The following PLAGL1 variants were observed in gnomAD, a reference collection of about 807,000 sequenced individuals.
PLAGL1 encodes the protein zinc finger protein PLAGL1.
PLAGL1 carries 1 observed loss-of-function variant against 4.6 expected under a neutral mutation model. The observed-to-expected ratio is 0.22, with a 90% CI of 0.08 to 1.03. The LOEUF (loss-of-function observed/expected upper bound fraction) is 1.03, where lower values mean the gene tolerates loss of function less well. Ranked by LOEUF, PLAGL1 falls within the 50% of genes least tolerant of loss-of-function variation. The pLI is 0.58. For missense variants in PLAGL1, 464 were observed against 570.4 expected, an observed-to-expected ratio of 0.81 and a Z score of 1.90; for synonymous variants, 240 against 237.8, an observed-to-expected ratio of 1.01 and a Z score of -0.08.
rs1001562529 is a variant in PLAGL1, at chr6:143,973,274, A to G, written c.-543-4296T>C. Among the ~76,000 whole-genome samples, 4 of 152,204 alleles carry G rather than the reference A, an allele frequency of 2.6e-5. No individual in the cohort carries two copies. The East Asian group carries it at 5.8e-4, about 22-fold the overall frequency. ...ACCTCTCTTTCCCTCCATTGCTTTC[A>G]TTAGGCCCAGCCCAGACAAACAGCG... On this transcript the variant is annotated intron_variant, in intron 2 of 7. Coordinates refer to ENST00000674357, the MANE Select transcript of PLAGL1 (RefSeq NM_001317162.2). This position sits in a 1 kb window ranked among gnomAD's most constrained non-coding sequence, Gnocchi z 6.2.
chr6:144,026,370 G>A (rs950384463), intron 1 of PLAGL1, among the ~76,000 whole-genome samples: 1 of 152,048 alleles, frequency 6.6e-6, no homozygotes, highest in Non-Finnish European at 1.5e-5. Context: ...TGTTTTCTAT[G>A]GTTTATACTA....
chr6:144,008,445 C>T (rs1361359574), upstream of PLAGL1: 1 of 152,028 alleles, frequency 6.6e-6, no homozygotes, highest in African/African-American at 2.4e-5. The surrounding 1 kb of genome is among the most constrained non-coding windows in gnomAD (Gnocchi z 6.9). Flanking sequence ...GCGCTGGGGC[C>T]CCTGGCGGGG....
chr6:143,986,240 A>C (rs1427423902), intron 1 of PLAGL1, among the ~76,000 whole-genome samples: 8 of 151,942 alleles, frequency 5.3e-5, no homozygotes, highest in Non-Finnish European at 7.4e-5. Flanking sequence ...TATGACAAAT[A>C]AATCACCTAA....
chr6:143,996,522 GT>G (rs1791643981), intron 1 of PLAGL1, among the ~76,000 whole-genome samples: 1 of 151,978 alleles, frequency 6.6e-6, no homozygotes, highest in Non-Finnish European at 1.5e-5. Flanking sequence ...GAAGATAAAG[GT>G]TGTCACGTTA....
chr6:144,005,352 A>G lies in PLAGL1; in HGVS notation c.-584+2738T>C, dbSNP rs1443056697. The G allele has an allele frequency of 6.6e-6, 1 of 152,206 alleles. No individual in the cohort carries two copies. Among genetic ancestry groups the G allele is most frequent in the Non-Finnish European group, 1.5e-5 (1 of 68,004 alleles). The allele number at this position is 152,206 out of a possible 1,614,324, so 9.4% of individuals were successfully genotyped here. ...GCAGCAGTAAATGAAAATCTGCAGT[A>G]TTTTCAAATGACAAATAAACCAGGA... On this transcript the variant is annotated intron_variant, in intron 1 of 7. Coordinates refer to ENST00000674357, the MANE Select transcript of PLAGL1 (RefSeq NM_001317162.2). The surrounding 1 kb of genome is among the most constrained non-coding windows in gnomAD (Gnocchi z 4.6).
intron 2 of PLAGL1, among the ~76,000 whole-genome samples, chr6:143,977,152 A>G (rs114845409): frequency 6.7e-6 from 1 of 149,214 alleles, no homozygotes; most frequent in Non-Finnish European, 1.5e-5. Context: ...ATTTGTTACA[A>G]CTGATAAACT....
rs1421125380 is a variant in PLAGL1 at position 143,995,822 on chromosome 6, G to T, written c.-583-10648C>A. Among the ~76,000 whole-genome samples the T allele has an allele frequency of 6.6e-6, 1 of 152,032 alleles. No individual in the cohort carries two copies. The highest frequency in any genetic ancestry group is 6.5e-5 in the Admixed American group (1 of 15,270). On this transcript the variant is annotated intron_variant, in intron 1 of 7. Coordinates refer to ENST00000674357, the MANE Select transcript of PLAGL1 (RefSeq NM_001317162.2). The surrounding 1 kb of genome is among the most constrained non-coding windows in gnomAD (Gnocchi z 4.4). The stretch of plus-strand genomic sequence containing the variant: ...GGGCTCAAATCTTAATTATAAAACA[G>T]AGGTTTTTGTTTCAAAGCCCAGTAA...
rs1054659967 is a variant in PLAGL1, at chr6:143,950,460, A to C, written c.-324-2000T>G. ...TCTGCTAGGTATCATGATCTGTTCT[A>C]CTTCTCACCCAGCCTAAGTTTGGCC... On this transcript the variant is annotated intron_variant, in intron 6 of 7. Transcript: ENST00000674357. This position sits in a 1 kb window ranked among gnomAD's most constrained non-coding sequence, Gnocchi z 6.3. 2.0e-5 allele frequency among the ~76,000 whole-genome samples: 3 copies of C among 152,022 alleles called. No individual in the cohort carries two copies. The highest frequency in any genetic ancestry group is 6.6e-5 in the Admixed American group (1 of 15,258).
upstream of PLAGL1, chr6:144,008,610 G>A (rs1038642208): frequency 2.6e-5 from 4 of 152,330 alleles, no homozygotes; most frequent in Non-Finnish European, 2.9e-5. The surrounding 1 kb of genome is among the most constrained non-coding windows in gnomAD (Gnocchi z 6.9). Context: ...GTAGACCCGA[G>A]CCGGCCTGGG....
Position 143,961,985 on chromosome 6 carries a change from TCAA to T in PLAGL1, c.-398-1446_-398-1444del, listed in dbSNP as rs1783477922. 1.3e-5 allele frequency among the ~76,000 whole-genome samples: 2 copies of T among 152,326 alleles called. No individual in the cohort carries two copies. The highest frequency in any genetic ancestry group is 4.8e-5 in the African/African-American group (2 of 41,580). The stretch of plus-strand genomic sequence containing the variant: ...AAAAGAAAGCGATTCCTTTCTGAAT[TCAA>T]CAATACTCCTTGGCCTCCAAGGGCT... On this transcript the variant is annotated intron_variant, in intron 5 of 7. Transcript: ENST00000674357. The surrounding 1 kb of genome is among the most constrained non-coding windows in gnomAD (Gnocchi z 6.5).
chr6:144,049,344 T>C (rs768063437), intron 1 of PLAGL1, among the ~76,000 whole-genome samples: 2 of 152,256 alleles, frequency 1.3e-5, no homozygotes, highest in Non-Finnish European at 2.9e-5. Flanking sequence ...TCCTCATTTT[T>C]AAGTATCTTT....
rs186820936 is a variant in PLAGL1, at chr6:143,973,667, A to G, written c.-543-4689T>C. Among the ~76,000 whole-genome samples, 8 of 152,320 alleles carry G rather than the reference A, an allele frequency of 5.3e-5. No individual in the cohort carries two copies. The East Asian group carries it at 1.4e-3, about 26-fold the overall frequency. Reference sequence around the variant, plus strand: ...AAACTATATGGAAACTTTATTCTCAATCGAATGGTTCGTTCTAATAGCCAG... The same window carrying G: ...AAACTATATGGAAACTTTATTCTCAGTCGAATGGTTCGTTCTAATAGCCAG... On this transcript the variant is annotated intron_variant, in intron 2 of 7. Coordinates refer to ENST00000674357, the MANE Select transcript of PLAGL1 (RefSeq NM_001317162.2). The surrounding 1 kb of genome is among the most constrained non-coding windows in gnomAD (Gnocchi z 6.2).
At chr6:144,045,000 CTTTTTTTTTT>C (rs138373370) in intron 1 of PLAGL1, among the ~76,000 whole-genome samples, 2 of 47,322 alleles carry the variant, frequency 4.2e-5, no homozygotes, top group Admixed American at 2.1e-4. Context: ...GCAACCCCTG[CTTTTTTTTTT>C]TTTTTTTTGG....
At position 143,964,088 on chromosome 6, in the gene PLAGL1, C is replaced by T. The variant is rs910523809; in HGVS notation, c.-399+699G>A. On this transcript the variant is annotated intron_variant, in intron 5 of 7. Coordinates refer to ENST00000674357, the MANE Select transcript of PLAGL1 (RefSeq NM_001317162.2). The surrounding 1 kb of genome is among the most constrained non-coding windows in gnomAD (Gnocchi z 4.3). The stretch of plus-strand genomic sequence containing the variant: ...TCCCTTCCATCCCCCCATGGCCAAC[C>T]CCCCATCCCAGGGCCTGATAAGGAG... Among the ~76,000 whole-genome samples, 3 of 152,122 alleles carry T rather than the reference C, an allele frequency of 2.0e-5. No individual in the cohort carries two copies. The highest frequency in any genetic ancestry group is 6.5e-5 in the Admixed American group (1 of 15,288).
At chr6:144,013,188 C>T (rs368495369), upstream of PLAGL1, among the ~76,000 whole-genome samples, 8 of 152,230 alleles carry the variant, frequency 5.3e-5, no homozygotes, top group East Asian at 1.5e-3. This position sits in a 1 kb window ranked among gnomAD's most constrained non-coding sequence, Gnocchi z 4.4. Flanking sequence ...ATTTCTTCAG[C>T]AAATGCAGAA....
At chr6:143,980,267 G>A (rs1411013048) in intron 2 of PLAGL1, among the ~76,000 whole-genome samples, 1 of 152,116 alleles carries the variant, frequency 6.6e-6, no homozygotes, top group East Asian at 1.9e-4. Flanking sequence ...AATTTGGCAA[G>A]GCTTCAGCCA....
chr6:143,980,683 G>T (rs932132956), intron 2 of PLAGL1, among the ~76,000 whole-genome samples: 1 of 151,986 alleles, frequency 6.6e-6, no homozygotes, highest in Non-Finnish European at 1.5e-5. Flanking sequence ...TCACTTCTGG[G>T]TCTGTTTCTA....
At chr6:144,021,744 C>T (rs1795993514) in intron 1 of PLAGL1, among the ~76,000 whole-genome samples, 1 of 152,254 alleles carries the variant, frequency 6.6e-6, no homozygotes, top group Admixed American at 6.5e-5. Flanking sequence ...TAATGAAATT[C>T]CACAAAGAAA....
chr6:143,989,997 T>C lies in PLAGL1; in HGVS notation c.-583-4823A>G, dbSNP rs1790085988. 6.6e-6 allele frequency among the ~76,000 whole-genome samples: 1 copy of C among 152,214 alleles called. No homozygotes were observed. On this transcript the variant is annotated intron_variant, in intron 1 of 7. Coordinates refer to ENST00000674357, the MANE Select transcript of PLAGL1 (RefSeq NM_001317162.2). This position sits in a 1 kb window ranked among gnomAD's most constrained non-coding sequence, Gnocchi z 4.8. ...AAACTTCCCCATATCCACAGGAGGA[T>C]GCACCCTCCCTAAAACCAGAGGCCA...
Sources: allele counts gnomAD v4.1 joint callset (sites outside exome capture counted in the v4.1 genomes callset), GRCh38; gene constraint gnomAD v4.1.1; non-coding constraint Gnocchi (gnomAD v3.1); transcripts MANE v1.5; gene names NCBI Gene and HGNC (gene_info 2026-07-23, HGNC 2026-07-21).